The following CDH13 variants were observed in gnomAD, a reference collection of about 807,000 sequenced individuals.
CDH13 encodes cadherin-13.
CDH13 carries 24 observed loss-of-function variants against 63.8 expected under a neutral mutation model. The observed-to-expected ratio is 0.38, with a 90% CI of 0.27 to 0.53. CDH13 has a LOEUF of 0.53. CDH13 is among the 20% of genes least tolerant of loss of function. The pLI, the probability that CDH13 is intolerant of heterozygous loss-of-function variation, is 0.85. For missense variants in CDH13, 1,049 were observed against 903.1 expected (o/e 1.16, Z -2.07); for synonymous variants, 503 against 355.3 (o/e 1.42, Z -4.67).
At position 83,783,371 on chromosome 16, in the gene CDH13, A is replaced by G. The variant is rs777778177; in HGVS notation, c.2033A>G (p.Gln678Arg). Residue 678 changes from glutamine to arginine, a missense_variant, in exon 13 of 14, where the codon CAA becomes CGA. Coordinates refer to ENST00000567109, the MANE Select transcript of CDH13 (RefSeq NM_001257.5). ...PMTNITDLRV[Q>R]VCSCRNSKVD... is the part of the protein sequence containing the mutation. ...ACGAATATCACAGATCTCAGGGTAC[A>G]AGTGTGCTCCTGCAGGAATTCCAAA... 5 of 1,613,958 alleles carry G rather than the reference A, an allele frequency of 3.1e-6. No individual in the cohort carries two copies. In the East Asian group the frequency reaches 1.1e-4, roughly 36 times the overall value.
chr16:83,042,916 C>T (rs539406217), intron 3 of CDH13, among the ~76,000 whole-genome samples: 1 of 152,192 alleles, frequency 6.6e-6, no homozygotes, highest in Non-Finnish European at 1.5e-5. Context: ...TTAATATGCC[C>T]TGATTTAACA....
intron 4 of CDH13, among the ~76,000 whole-genome samples, chr16:83,161,645 T>C (rs553331304): frequency 1.3e-5 from 2 of 152,276 alleles, no homozygotes; most frequent in South Asian, 4.1e-4. Flanking sequence ...CTCCCCCGCC[T>C]TGACTGTGCA....
chr16:83,797,105 C>A lies in CDH13; in HGVS notation c.*2075C>A, dbSNP rs575437808. On this transcript the variant is annotated 3_prime_UTR_variant, in exon 14 of 14. Transcript: ENST00000567109. The stretch of plus-strand genomic sequence containing the variant: ...CACTGTCACGCGTCTCCCGGGCGCA[C>A]CTTGCTCCCCTCTTCCTGCAAGGCA... 25 of 152,366 alleles carry A rather than the reference C, an allele frequency of 1.6e-4. No homozygotes were observed. Among genetic ancestry groups the A allele is most frequent in the Admixed American group, 1.2e-3 (18 of 15,298 alleles). The allele number at this position is 152,366 out of a possible 1,614,324, so 9.4% of individuals were successfully genotyped here. A position where few individuals can be genotyped will look rare whatever the true frequency, so the allele number is the denominator to read the frequency against.
intron 1 of CDH13, among the ~76,000 whole-genome samples, chr16:82,843,887 G>T (rs2039138392): frequency 6.6e-6 from 1 of 152,202 alleles, no homozygotes; most frequent in Admixed American, 6.5e-5. Flanking sequence ...TGCACCATCA[G>T]TGAGGTCTTC....
chr16:83,211,765 C>CT (rs982343492), intron 4 of CDH13, among the ~76,000 whole-genome samples: 2 of 151,990 alleles, frequency 1.3e-5, no homozygotes, highest in African/African-American at 4.8e-5. Flanking sequence ...CCTCCCCCCC[C>CT]CAAACAGCCA....
intron 1 of CDH13, among the ~76,000 whole-genome samples, chr16:82,658,042 G>C (rs1250048486): frequency 1.3e-5 from 2 of 152,214 alleles, no homozygotes; most frequent in African/African-American, 2.4e-5. Flanking sequence ...GATGTTAGTT[G>C]TAGGCTTTTT....
At chr16:83,078,063 C>A (rs2032976848) in intron 3 of CDH13, among the ~76,000 whole-genome samples, 1 of 152,144 alleles carries the variant, frequency 6.6e-6, no homozygotes, top group Admixed American at 6.5e-5. Flanking sequence ...TTGCATCCTC[C>A]ATCTGACCTG....
intron 6 of CDH13, among the ~76,000 whole-genome samples, chr16:83,396,199 G>A (rs2091883752): frequency 6.6e-6 from 1 of 152,094 alleles, no homozygotes; most frequent in African/African-American, 2.4e-5. Flanking sequence ...TATCGTTGAT[G>A]GGCACTTAGG....
At chr16:83,276,258 T>G (rs558315834) in intron 5 of CDH13, among the ~76,000 whole-genome samples, 8 of 152,148 alleles carry the variant, frequency 5.3e-5, no homozygotes, top group Non-Finnish European at 1.2e-4. Context: ...CCTTTGGTCC[T>G]AGCCCTATCC....
At chr16:82,769,681 G>A (rs1053100198) in intron 1 of CDH13, among the ~76,000 whole-genome samples, 4 of 152,210 alleles carry the variant, frequency 2.6e-5, no homozygotes, top group South Asian at 2.1e-4. Flanking sequence ...TGATGCCCTA[G>A]ATTTTACTTT....
chr16:83,473,979 C>G (rs1008556858), intron 6 of CDH13, among the ~76,000 whole-genome samples: 7 of 152,128 alleles, frequency 4.6e-5, no homozygotes, highest in African/African-American at 1.4e-4. Flanking sequence ...GGTTAGCTCC[C>G]CATCACTCCT....
intron 6 of CDH13, among the ~76,000 whole-genome samples, chr16:83,446,199 A>G (rs995514108): frequency 1.3e-5 from 2 of 151,574 alleles, no homozygotes; most frequent in Non-Finnish European, 2.9e-5. Flanking sequence ...GCTATTTAGG[A>G]GGCTGAGGCA....
intron 7 of CDH13, among the ~76,000 whole-genome samples, chr16:83,535,537 C>T (rs139318700): frequency 1.4e-3 from 219 of 152,320 alleles, no homozygotes; most frequent in African/African-American, 5.0e-3. Context: ...CTGTGACTTA[C>T]AGCTGACCAG....
intron 4 of CDH13, among the ~76,000 whole-genome samples, chr16:83,132,910 C>T (rs2036122454): frequency 1.3e-5 from 2 of 152,310 alleles, no homozygotes; most frequent in African/African-American, 2.4e-5. Flanking sequence ...ACACATAAGC[C>T]TTTCCTATTT....
At chr16:83,141,946 G>A (rs72800220) in intron 4 of CDH13, among the ~76,000 whole-genome samples, 7,143 of 152,138 alleles carry the variant, frequency 0.047, 231 homozygotes, top group Middle Eastern at 0.1. Context: ...TCCAGTGTCA[G>A]AGCACACTGC....
At chr16:82,716,699 A>G (rs1267253054) in intron 1 of CDH13, among the ~76,000 whole-genome samples, 1 of 150,970 alleles carries the variant, frequency 6.6e-6, no homozygotes, top group Non-Finnish European at 1.5e-5. Flanking sequence ...TTTTAAAATC[A>G]TTAGTTGCCT....
rs566674397 is a variant in CDH13 at position 82,884,135 on chromosome 16, G to A, written c.157+25662G>A. 1.5e-5 allele frequency: 7 copies of A among 453,952 alleles called. No individual in the cohort carries two copies. In the East Asian group the frequency reaches 4.2e-4, roughly 27 times the overall value. The allele number at this position is 453,952 out of a possible 1,614,324, so 28.1% of individuals were successfully genotyped here. Reference sequence around the variant, plus strand: ...AATATTGTTGATTGAATGCATGTCTGCATGCACGCTGTTTCTTTCCTTATG... The same window carrying A: ...AATATTGTTGATTGAATGCATGTCTACATGCACGCTGTTTCTTTCCTTATG... On this transcript the variant is annotated intron_variant, in intron 2 of 13. Transcript: ENST00000567109.
At chr16:83,112,221 G>T (rs546544659) in intron 3 of CDH13, among the ~76,000 whole-genome samples, 1 of 152,158 alleles carries the variant, frequency 6.6e-6, no homozygotes, top group Non-Finnish European at 1.5e-5. Flanking sequence ...TTTGGTCTAT[G>T]TATCAGTTAG....
chr16:82,764,430 G>T (rs903582616), intron 1 of CDH13, among the ~76,000 whole-genome samples: 1 of 152,212 alleles, frequency 6.6e-6, no homozygotes, highest in Non-Finnish European at 1.5e-5. Context: ...GGAAAGGGAA[G>T]TCTCAAATCT....
Sources: gnomAD v4.1 joint callset for allele counts (sites outside exome capture counted in the v4.1 genomes callset) on GRCh38, gnomAD v4.1.1 for gene constraint, MANE v1.5 for transcripts, NCBI Gene and HGNC (gene_info 2026-07-23, HGNC 2026-07-21) for gene names.